The following EHBP1 variants were observed in gnomAD, a reference collection of about 807,000 sequenced individuals.
EHBP1 encodes the protein EH domain-binding protein 1.
A neutral mutation model predicts 144.0 loss-of-function variants in EHBP1; 55 were observed. The ratio of observed to expected loss-of-function variants is 0.38; its 90% CI spans 0.31 to 0.48. The LOEUF (loss-of-function observed/expected upper bound fraction) is 0.48, where lower values mean the gene tolerates loss of function less well. EHBP1 is among the 20% of genes least tolerant of loss of function. EHBP1 has a pLI of 0.98. For synonymous variants in EHBP1, 469 were observed against 472.7 expected (o/e 0.99, Z 0.10); for missense variants, 1,200 against 1,364.2 (o/e 0.88, Z 1.90).
At chr2:62,987,313 T>G (rs1056804194) in intron 15 of EHBP1, among the ~76,000 whole-genome samples, 1 of 152,228 alleles carries the variant, frequency 6.6e-6, no homozygotes, top group Non-Finnish European at 1.5e-5. Context: ...TATTTAATTT[T>G]GGTTGACAAT....
intron 3 of EHBP1, among the ~76,000 whole-genome samples, chr2:62,749,206 A>G (rs531176851): frequency 1.2e-4 from 18 of 152,124 alleles, no homozygotes; most frequent in African/African-American, 3.4e-4. Flanking sequence ...TCATTGTTCA[A>G]TTCCCACTTA....
At chr2:62,817,506 C>T (rs2045532820) in intron 5 of EHBP1, among the ~76,000 whole-genome samples, 1 of 152,122 alleles carries the variant, frequency 6.6e-6, no homozygotes, top group African/African-American at 2.4e-5. Context: ...AGAGCAAAGT[C>T]AGGAAGGCCT....
At chr2:62,736,035 C>G (rs1016200400) in intron 2 of EHBP1, among the ~76,000 whole-genome samples, 4 of 151,662 alleles carry the variant, frequency 2.6e-5, no homozygotes, top group African/African-American at 7.3e-5. Context: ...GTTCCTAGAT[C>G]TGTGGTTTGG....
At chr2:62,715,832 T>A (rs968753222) in intron 2 of EHBP1, among the ~76,000 whole-genome samples, 1 of 152,198 alleles carries the variant, frequency 6.6e-6, no homozygotes, top group Non-Finnish European at 1.5e-5. Context: ...TACTTAGACT[T>A]TTTTTGAGAG....
At chr2:62,795,643 T>A (rs2043485680) in intron 5 of EHBP1, among the ~76,000 whole-genome samples, 2 of 152,102 alleles carry the variant, frequency 1.3e-5, no homozygotes, top group South Asian at 4.1e-4. Context: ...CCCTTGTTAA[T>A]AATATTTGCC....
chr2:62,813,341 T>C (rs62179316), intron 5 of EHBP1, among the ~76,000 whole-genome samples: 4,666 of 152,290 alleles, frequency 0.031, 95 homozygotes, highest in Non-Finnish European at 0.047. Flanking sequence ...TGGATACCTC[T>C]ACCTAGATTT....
At chr2:62,774,914 A>G (rs1267039687) in intron 5 of EHBP1, among the ~76,000 whole-genome samples, 1 of 151,676 alleles carries the variant, frequency 6.6e-6, no homozygotes, top group Non-Finnish European at 1.5e-5. Context: ...TTACACTCAT[A>G]TGTGTGTGTG....
chr2:62,953,540 C>A (rs992813807), intron 13 of EHBP1, among the ~76,000 whole-genome samples: 1 of 150,978 alleles, frequency 6.6e-6, no homozygotes, highest in Non-Finnish European at 1.5e-5. Flanking sequence ...CAGAGTGAGA[C>A]CCTGTCTCAA....
intron 19 of EHBP1, among the ~76,000 whole-genome samples, chr2:63,011,602 TC>T (rs2060272804): frequency 6.6e-6 from 1 of 152,084 alleles, no homozygotes; most frequent in African/African-American, 2.4e-5. Flanking sequence ...GTATTACAAG[TC>T]AAAAATGGTT....
In EHBP1 at chr2:63,046,477, C is replaced by A. The variant is rs1290371513; in HGVS notation, c.*977C>A. On this transcript the variant is annotated 3_prime_UTR_variant, in exon 23 of 23. Transcript: ENST00000431489. ...AATTTTCAATAAAAGCAGAAACTTT[C>A]TTACCTTAAACACGGCTGCTACTTT... The A allele has an allele frequency of 6.6e-6, 1 of 152,592 alleles. No homozygotes were observed. Among genetic ancestry groups the A allele is most frequent in the East Asian group, 1.9e-4 (1 of 5,198 alleles). The allele number at this position is 152,592 out of a possible 1,614,324, so 9.5% of individuals were successfully genotyped here.
chr2:62,693,698 C>T (rs963060002), intron 1 of EHBP1, among the ~76,000 whole-genome samples: 13 of 152,144 alleles, frequency 8.5e-5, no homozygotes, highest in African/African-American at 2.7e-4. Context: ...CCCTACTGTG[C>T]TATCAAACAA....
intron 10 of EHBP1, among the ~76,000 whole-genome samples, chr2:62,919,374 A>G (rs892019594): frequency 1.3e-5 from 2 of 152,180 alleles, no homozygotes. Flanking sequence ...GCAACCATAT[A>G]TATAGGGGAA....
rs751288096 is a variant in EHBP1 at position 62,764,320 on chromosome 2, C to T, written c.217C>T (p.Pro73Ser). The T allele has an allele frequency of 6.3e-7, 1 of 1,585,308 alleles. No individual in the cohort carries two copies. Among genetic ancestry groups the T allele is most frequent in the Non-Finnish European group, 8.6e-7 (1 of 1,167,700 alleles). Residue 73 changes from proline (P) to serine (S), a missense_variant, in exon 4 of 23, where the codon CCT becomes TCT. Coordinates refer to ENST00000431489, the MANE Select transcript of EHBP1 (RefSeq NM_001142616.3). ...KNPYRGVVVW[P>S]VPENIEITVT... ...TCCCTATCGTGGTGTTGTTGTGTGGCCTGTTCCTGAAAACATTGAAATCAC... is the reference window on the plus strand; with the variant it reads ...TCCCTATCGTGGTGTTGTTGTGTGGTCTGTTCCTGAAAACATTGAAATCAC...
chr2:62,737,582 G>A lies in EHBP1; in HGVS notation c.105-9813G>A, dbSNP rs2038273327. Among the ~76,000 whole-genome samples, 4 of 152,202 alleles carry A rather than the reference G, an allele frequency of 2.6e-5. No individual in the cohort carries two copies. The South Asian group carries it at 8.3e-4, about 31-fold the overall frequency. ...CTCATTTCTGTTATGGATCTAAGAAGAGTTGTTGATATTTCAGCTTGTTCA... is the reference window on the plus strand; with the variant it reads ...CTCATTTCTGTTATGGATCTAAGAAAAGTTGTTGATATTTCAGCTTGTTCA... On this transcript the variant is annotated intron_variant, in intron 2 of 22. Coordinates refer to ENST00000431489, the MANE Select transcript of EHBP1 (RefSeq NM_001142616.3).
chr2:63,010,049 G>A (rs1011882841), intron 19 of EHBP1, among the ~76,000 whole-genome samples: 1 of 151,408 alleles, frequency 6.6e-6, no homozygotes, highest in Admixed American at 6.6e-5. Flanking sequence ...GATAAGGGGG[G>A]ACTACTGTAT....
At chr2:62,933,253 T>C (rs2056145569) in intron 10 of EHBP1, among the ~76,000 whole-genome samples, 1 of 152,112 alleles carries the variant, frequency 6.6e-6, no homozygotes, top group South Asian at 2.1e-4. Flanking sequence ...TTTTCATTTT[T>C]TCCAGGGTCT....
At chr2:62,733,865 T>C (rs932366066) in intron 2 of EHBP1, among the ~76,000 whole-genome samples, 1 of 152,176 alleles carries the variant, frequency 6.6e-6, no homozygotes, top group African/African-American at 2.4e-5. Flanking sequence ...AATTACAATT[T>C]AGGCTTTCTT....
In EHBP1 at chr2:62,942,713, T is replaced by C. The variant is rs1278374353; in HGVS notation, c.1186-5T>C. 1 of 1,554,798 alleles carries C rather than the reference T, an allele frequency of 6.4e-7. No homozygotes were observed. The highest frequency in any genetic ancestry group is 2.1e-5 in the Admixed American group (1 of 48,618). ...TAATGTTTTCCCCTTTTCATTTTTT[T>C]CTAGCCAAGCCCTATACCAAGTCCT... On this transcript the variant is annotated splice_polypyrimidine_tract_variant and splice_region_variant and intron_variant, in intron 10 of 22. Coordinates refer to ENST00000431489, the MANE Select transcript of EHBP1 (RefSeq NM_001142616.3).
chr2:62,685,693 A>G (rs2033695318), intron 1 of EHBP1, among the ~76,000 whole-genome samples: 1 of 152,170 alleles, frequency 6.6e-6, no homozygotes. Flanking sequence ...AGTCCATAAT[A>G]TCTGTTCATA....
Sources: gnomAD v4.1 joint callset for allele counts (sites outside exome capture counted in the v4.1 genomes callset) on GRCh38, gnomAD v4.1.1 for gene constraint, MANE v1.5 for transcripts, NCBI Gene and HGNC (gene_info 2026-07-23, HGNC 2026-07-21) for gene names.